PROM2: variants seen among roughly 807,000 people sequenced by gnomAD.
The protein encoded by PROM2 is prominin 2.
In PROM2, 90 loss-of-function variants were observed where a neutral mutation model predicts 110.2. The observed-to-expected ratio is 0.82, with a 90% CI of 0.69 to 0.97. The LOEUF (loss-of-function observed/expected upper bound fraction) is 0.97, where lower values mean the gene tolerates loss of function less well. Ranked by LOEUF, PROM2 falls within the 50% of genes least tolerant of loss-of-function variation. PROM2 has a pLI of 0.00. For synonymous variants in PROM2, 470 were observed against 467.8 expected, an observed-to-expected ratio of 1.00 and a Z score of -0.06; for missense variants, 1,009 against 1,074.8, an observed-to-expected ratio of 0.94 and a Z score of 0.86.
intron 22 of PROM2, 134 bp from the exon 23 acceptor site, chr2:95,288,799 G>A (rs1023995161): frequency 1.3e-5 from 12 of 947,092 alleles, no homozygotes; most frequent in African/African-American, 6.5e-5. Flanking sequence ...CCATTTGGGC[G>A]CAGCTTCGTG....
chr2:95,278,935 G>C, intron 9 of PROM2, 50 bp from the exon 10 acceptor site: 1 of 1,598,374 alleles, frequency 6.3e-7, no homozygotes, highest in East Asian at 2.2e-5. Context: ...TCTTGTTCCT[G>C]GGCCCCAGGG....
Position 95,275,141 on chromosome 2 carries a change from C to A in PROM2, c.244+312C>A, listed in dbSNP as rs1254937535. ...GGGTGGTCCAGGAGTGTCTGAAGGACCCTCCCAGTCCTGTCCCTTGCTGCT... is the reference window on the plus strand; with the variant it reads ...GGGTGGTCCAGGAGTGTCTGAAGGAACCTCCCAGTCCTGTCCCTTGCTGCT... On this transcript the variant is annotated intron_variant, in intron 1 of 23. Coordinates refer to ENST00000317620, the MANE Select transcript of PROM2 (RefSeq NM_001165978.3). The surrounding 1 kb of genome is among the most constrained non-coding windows in gnomAD (Gnocchi z 4.4). The A allele has an allele frequency of 4.2e-6, 2 of 471,204 alleles. No individual in the cohort carries two copies. The highest frequency in any genetic ancestry group is 7.4e-6 in the Non-Finnish European group (2 of 269,642). The allele number at this position is 471,204 out of a possible 1,614,324, so 29.2% of individuals were successfully genotyped here. A position where few individuals can be genotyped will look rare whatever the true frequency, so the allele number is the denominator to read the frequency against.
In PROM2 at chr2:95,282,131, C is replaced by G. The variant is rs1677085950; in HGVS notation, c.1644-11C>G. 21 of 1,613,346 alleles carry G rather than the reference C, an allele frequency of 1.3e-5. No homozygotes were observed. Among genetic ancestry groups the G allele is most frequent in the Non-Finnish European group, 1.8e-5 (21 of 1,179,602 alleles). The stretch of plus-strand genomic sequence containing the variant: ...CAAGGCTCATCGTCTGCACCCCTCA[C>G]TCCTCCTCAGGCAGTGCAAGGAAGG... On this transcript the variant is annotated splice_polypyrimidine_tract_variant and intron_variant, in intron 13 of 23. Coordinates refer to ENST00000317620, the MANE Select transcript of PROM2 (RefSeq NM_001165978.3).
rs1413720033 is a variant in PROM2, at chr2:95,289,928, A to AT, written c.*717dup. 6.6e-6 allele frequency: 1 copy of AT among 152,124 alleles called. No homozygotes were observed. The highest frequency in any genetic ancestry group is 1.5e-5 in the Non-Finnish European group (1 of 68,048). 9.4% of individuals were successfully genotyped at this position (152,124 alleles called of 1,614,324 possible). Reference sequence around the variant, plus strand: ...CCTCTGCAGATCTCATCCAGGATTTATTGGTGTCCAGTGGGGTGAGGGAGG... The same window carrying AT: ...CCTCTGCAGATCTCATCCAGGATTTATTTGGTGTCCAGTGGGGTGAGGGAGG... On this transcript the variant is annotated 3_prime_UTR_variant, in exon 24 of 24. Transcript: ENST00000317620.
At chr2:95,287,487 T>C (rs2104148618) in intron 20 of PROM2, 23 bp downstream of exon 20, 1 of 1,609,078 alleles carries the variant, frequency 6.2e-7, no homozygotes. Context: ...TCAGAAGCAA[T>C]GACTGATTCC....
intron 15 of PROM2, among the ~76,000 whole-genome samples, 188 bp from the exon 16 acceptor site, chr2:95,285,451 C>G (rs1395726176): frequency 6.6e-6 from 1 of 152,248 alleles, no homozygotes. Context: ...TTGTTTCTAT[C>G]TCACTGGGAA....
intron 16 of PROM2, 98 bp downstream of exon 16, chr2:95,285,808 G>A: frequency 4.2e-6 from 5 of 1,194,406 alleles, no homozygotes; most frequent in Non-Finnish European, 6.0e-6. Context: ...GCAGGGAACT[G>A]AGGACCCCCA....
intron 22 of PROM2, 100 bp downstream of exon 22, chr2:95,288,689 C>T: frequency 1.9e-6 from 2 of 1,064,864 alleles, no homozygotes; most frequent in South Asian, 2.9e-5. Flanking sequence ...ACCTCCCAGG[C>T]AGAGGAGGCT....
rs1676842213 is a variant in PROM2 at position 95,278,913 on chromosome 2, C to T, written c.1115-72C>T. The T allele has an allele frequency of 5.6e-6, 9 of 1,601,496 alleles. No individual in the cohort carries two copies. The Admixed American group carries it at 8.4e-5, about 15-fold the overall frequency. On this transcript the variant is annotated intron_variant, in intron 9 of 23. Transcript: ENST00000317620. ...CCCTCTGTGGTTCCCAGATGTTCTT[C>T]CTGCCCGCTTGTCTTGTTCCTGGGC...
chr2:95,276,154 G>T lies in PROM2; in HGVS notation c.497+22G>T, dbSNP rs762532433. On this transcript the variant is annotated intron_variant, in intron 3 of 23. Coordinates refer to ENST00000317620, the MANE Select transcript of PROM2 (RefSeq NM_001165978.3). This position sits in a 1 kb window ranked among gnomAD's most constrained non-coding sequence, Gnocchi z 4.6. ...TGCTGTAAGGCGCTGCCCAGGGCCCGGGTAGGGCGGGCTGTGGCCCCCAGG... is the reference window on the plus strand; with the variant it reads ...TGCTGTAAGGCGCTGCCCAGGGCCCTGGTAGGGCGGGCTGTGGCCCCCAGG... 1.9e-6 allele frequency: 3 copies of T among 1,611,926 alleles called. No individual in the cohort carries two copies. The highest frequency in any genetic ancestry group is 2.5e-6 in the Non-Finnish European group (3 of 1,178,982).
chr2:95,279,779 C>T (rs1030763036), intron 10 of PROM2, 66 bp from the exon 11 acceptor site: 17 of 1,332,902 alleles, frequency 1.3e-5, no homozygotes, highest in South Asian at 4.5e-5. Context: ...CGCCACGTCC[C>T]GCACCTGTCC....
intron 17 of PROM2, 89 bp from the exon 18 acceptor site, chr2:95,286,715 C>CCTCCCCTCCA (rs1264790297): frequency 3.9e-6 from 3 of 778,670 alleles, no homozygotes; most frequent in Non-Finnish European, 6.4e-6. Flanking sequence ...TCTCCCCTCC[C>CCTCCCCTCCA]CTCCCCTCCA....
At position 95,277,423 on chromosome 2, in the gene PROM2, G is replaced by A; in HGVS notation, c.832G>A (p.Ala278Thr). The part of the protein sequence containing the change: ...TLNATVVELQ[A>T]GQQDLEPAIR... ...GAATGCTACAGTGGTAGAGCTGCAG[G>A]CCGGGCAGCAGGACCTGGAGCCAGC... is the stretch of plus-strand genomic sequence containing the variant. The change falls in exon 7 of 24, where the codon GCC (alanine) becomes ACC (threonine). Residue 278 changes from alanine (A) to threonine (T), a missense_variant. Ala to Thr is a moderately conservative substitution (Grantham distance 58, BLOSUM62 0). Transcript: ENST00000317620. 1.2e-6 allele frequency: 2 copies of A among 1,613,344 alleles called. No individual in the cohort carries two copies. Among genetic ancestry groups the A allele is most frequent in the Non-Finnish European group, 1.7e-6 (2 of 1,179,894 alleles).
Position 95,275,036 on chromosome 2 carries a change from T to G in PROM2, c.244+207T>G. The G allele has an allele frequency of 1.7e-6, 1 of 573,182 alleles. No individual in the cohort carries two copies. The highest frequency in any genetic ancestry group is 1.9e-5 in the African/African-American group (1 of 52,766). The allele number at this position is 573,182 out of a possible 1,614,324, so 35.5% of individuals were successfully genotyped here. A position where few individuals can be genotyped will look rare whatever the true frequency, so the allele number is the denominator to read the frequency against. ...CTTCCTCTCTGAGCCTCAGGTGCTC[T>G]GTCTGTAAAGTGAGGAGGTTACATT... On this transcript the variant is annotated intron_variant, in intron 1 of 23. Transcript: ENST00000317620. The surrounding 1 kb of genome is among the most constrained non-coding windows in gnomAD (Gnocchi z 4.4).
rs779810258 is a variant in PROM2 at position 95,288,266 on chromosome 2, G to A, written c.2300G>A (p.Arg767His). 3.2e-5 allele frequency: 51 copies of A among 1,613,950 alleles called. No individual in the cohort carries two copies. Among genetic ancestry groups the A allele is most frequent in the South Asian group, 8.8e-5 (8 of 91,090 alleles). ...QPLSGALDNS[R>H]VILCDMMADP... ...CTCTCCGGAGCCCTGGACAACAGCCGTGTGATCCTGTGTGACATGATGGCT... is the reference window on the plus strand; with the variant it reads ...CTCTCCGGAGCCCTGGACAACAGCCATGTGATCCTGTGTGACATGATGGCT... Residue 767 changes from arginine (R) to histidine (H), a missense_variant, in exon 21 of 24, where the codon CGT (arginine) becomes CAT (histidine). Arg to His is a conservative substitution (Grantham distance 29). Coordinates refer to ENST00000317620, the MANE Select transcript of PROM2 (RefSeq NM_001165978.3).
Position 95,278,001 on chromosome 2 carries a change from G to C in PROM2, c.1047G>C (p.Gln349His). 6.2e-7 allele frequency: 1 copy of C among 1,609,422 alleles called. No individual in the cohort carries two copies. Among genetic ancestry groups the C allele is most frequent in the South Asian group, 1.1e-5 (1 of 89,596 alleles). The stretch of plus-strand genomic sequence containing the variant: ...AGGCCAACTTCTCCAGCATGGTCCA[G>C]GAGGTGAGAGCCACCTGGTCTGCCT... ...VPEANFSSMVQEENSTFNALP... is the reference protein window; with the variant it reads ...VPEANFSSMVHEENSTFNALP... The change falls in exon 8 of 24, where the codon CAG (glutamine) becomes CAC (histidine). Residue 349 changes from glutamine to histidine, a missense_variant. Transcript: ENST00000317620.
intron 18 of PROM2, 138 bp downstream of exon 18, chr2:95,286,995 C>A: frequency 1.6e-6 from 2 of 1,262,338 alleles, no homozygotes; most frequent in Non-Finnish European, 1.1e-6. Context: ...GGGGTGGCAG[C>A]AGAGCCTGGG....
At chr2:95,282,988 C>T (rs1293284835) in intron 14 of PROM2, among the ~76,000 whole-genome samples, 1 of 152,202 alleles carries the variant, frequency 6.6e-6, no homozygotes, top group Non-Finnish European at 1.5e-5. Flanking sequence ...CCCTTCCAAC[C>T]CCTGGATCCA....
In PROM2 at chr2:95,286,963, A is replaced by T. The variant is rs1052109685; in HGVS notation, c.2094+106A>T. 42 of 1,409,838 alleles carry T rather than the reference A, an allele frequency of 3.0e-5. No homozygotes were observed. In the Middle Eastern group the frequency reaches 1.4e-3, roughly 47 times the overall value. 87.3% of individuals were successfully genotyped at this position (1,409,838 alleles called of 1,614,324 possible). A position where few individuals can be genotyped will look rare whatever the true frequency, so the allele number is the denominator to read the frequency against. On this transcript the variant is annotated intron_variant, in intron 18 of 23. Coordinates refer to ENST00000317620, the MANE Select transcript of PROM2 (RefSeq NM_001165978.3). ...CACCTCAGAGCTCTGCCCAGGTTGC[A>T]GGTGGGGTTGGGAGGAAGATGGGGG...
Sources: allele counts gnomAD v4.1 joint callset (sites outside exome capture counted in the v4.1 genomes callset), GRCh38; gene constraint gnomAD v4.1.1; non-coding constraint Gnocchi (gnomAD v3.1); transcripts MANE v1.5; gene names NCBI Gene and HGNC (gene_info 2026-07-23, HGNC 2026-07-21).